SDK1: variants seen among roughly 807,000 people sequenced by gnomAD.
SDK1 encodes sidekick cell adhesion molecule 1.
Under a neutral mutation model 245.5 loss-of-function variants are expected in SDK1, and 157 were observed. The observed-to-expected ratio is 0.64, with a 90% CI of 0.56 to 0.73. SDK1 has a LOEUF of 0.73. Among genes scored for constraint, SDK1 ranks in the 30% least tolerant of loss-of-function variants. SDK1 has a pLI of 0.00. For synonymous variants in SDK1, 1,647 were observed against 1,278.5 expected, an observed-to-expected ratio of 1.29 and a Z score of -6.15; for missense variants, 3,583 against 3,002.3, an observed-to-expected ratio of 1.19 and a Z score of -4.52.
intron 1 of SDK1, among the ~76,000 whole-genome samples, chr7:3,307,200 A>G (rs976159176): frequency 6.6e-6 from 1 of 152,152 alleles, no homozygotes; most frequent in African/African-American, 2.4e-5. Context: ...TCTGTAAGGC[A>G]TTATCTTAAA....
intron 1 of SDK1, among the ~76,000 whole-genome samples, chr7:3,578,430 CGTATT>C (rs1780372402): frequency 6.6e-6 from 1 of 151,996 alleles, no homozygotes; most frequent in Admixed American, 6.6e-5. Context: ...CAGCTGTGCA[CGTATT>C]GTCTTAACAA....
At chr7:3,842,454 C>T (rs1287362176) in intron 5 of SDK1, among the ~76,000 whole-genome samples, 2 of 152,022 alleles carry the variant, frequency 1.3e-5, no homozygotes, top group Non-Finnish European at 2.9e-5. Flanking sequence ...GGCGTGGGTA[C>T]TGGGTCACTG....
chr7:3,772,090 T>C (rs1301984348), intron 4 of SDK1, among the ~76,000 whole-genome samples: 2 of 152,202 alleles, frequency 1.3e-5, no homozygotes, highest in Non-Finnish European at 2.9e-5. Flanking sequence ...TGTCAGACTT[T>C]CCTTCCTTTT....
intron 35 of SDK1, among the ~76,000 whole-genome samples, chr7:4,202,083 T>A (rs1031947022): frequency 2.4e-4 from 36 of 152,192 alleles, no homozygotes; most frequent in African/African-American, 6.8e-4. Flanking sequence ...CAGCCAGATG[T>A]TCTACTTTCC....
chr7:4,154,507 G>A (rs919927846), intron 30 of SDK1, among the ~76,000 whole-genome samples: 7 of 152,136 alleles, frequency 4.6e-5, no homozygotes, highest in Non-Finnish European at 8.8e-5. Context: ...TCACCAGGCA[G>A]CATCAGTGGC....
At chr7:3,485,915 A>G (rs146492357) in intron 1 of SDK1, among the ~76,000 whole-genome samples, 19 of 151,582 alleles carry the variant, frequency 1.3e-4, no homozygotes, top group Admixed American at 9.9e-4. Context: ...GGTTTTATCT[A>G]TTTTTTGAAG....
intron 5 of SDK1, among the ~76,000 whole-genome samples, chr7:3,881,871 T>A (rs1781216768): frequency 6.6e-6 from 1 of 152,208 alleles, no homozygotes; most frequent in African/African-American, 2.4e-5. Flanking sequence ...CATTGAGGGA[T>A]GGGCTACGGA....
At chr7:3,657,260 A>G (rs1176162375) in intron 4 of SDK1, among the ~76,000 whole-genome samples, 1 of 152,174 alleles carries the variant, frequency 6.6e-6, no homozygotes, top group African/African-American at 2.4e-5. Context: ...GTACAAAGAC[A>G]GGGCAAAACA....
At chr7:3,464,229 A>G (rs890966211) in intron 1 of SDK1, among the ~76,000 whole-genome samples, 4 of 152,144 alleles carry the variant, frequency 2.6e-5, no homozygotes, top group Non-Finnish European at 4.4e-5. Context: ...CCCTCTGTTG[A>G]AATAAGGTAT....
intron 1 of SDK1, among the ~76,000 whole-genome samples, chr7:3,361,949 G>A (rs1780964234): frequency 6.6e-6 from 1 of 152,158 alleles, no homozygotes; most frequent in Non-Finnish European, 1.5e-5. Flanking sequence ...TTCAGTGGCA[G>A]TCCTCATTTT....
chr7:4,193,037 TAA>T lies in SDK1; in HGVS notation c.5099-12841_5099-12840del, dbSNP rs1303224554. 2.1e-5 allele frequency among the ~76,000 whole-genome samples: 3 copies of T among 141,802 alleles called. 1 individual carries two copies. Among genetic ancestry groups the T allele is most frequent in the South Asian group, 4.2e-4 (2 of 4,720 alleles). The allele number at this position is 141,802 out of a possible 152,430, so 93.0% of individuals were successfully genotyped here. A position where few individuals can be genotyped will look rare whatever the true frequency, so the allele number is the denominator to read the frequency against. On this transcript the variant is annotated intron_variant, in intron 35 of 44. Coordinates refer to ENST00000404826, the MANE Select transcript of SDK1 (RefSeq NM_152744.4). Reference sequence around the variant, plus strand: ...ATAAAAATATATAATATAGATTATATAAGATACAAAAATATATAATATATATT... The same window carrying T: ...ATAAAAATATATAATATAGATTATATGATACAAAAATATATAATATATATT...
intron 4 of SDK1, among the ~76,000 whole-genome samples, chr7:3,716,676 T>C (rs1202289951): frequency 1.3e-5 from 2 of 151,626 alleles, no homozygotes; most frequent in Admixed American, 1.3e-4. Context: ...GGAGAACTGC[T>C]TGAGCCCAGG....
intron 4 of SDK1, among the ~76,000 whole-genome samples, chr7:3,732,862 A>T (rs1583353157): frequency 6.6e-6 from 1 of 152,162 alleles, no homozygotes; most frequent in Non-Finnish European, 1.5e-5. Flanking sequence ...TTTCTGTGTT[A>T]TTCTCCCTTT....
At chr7:3,604,918 T>C (rs1002234248) in intron 1 of SDK1, among the ~76,000 whole-genome samples, 1 of 152,156 alleles carries the variant, frequency 6.6e-6, no homozygotes, top group Non-Finnish European at 1.5e-5. Flanking sequence ...ATTTTTTCTC[T>C]GACTTGTTTA....
chr7:3,625,993 G>C (rs577113022), intron 2 of SDK1, among the ~76,000 whole-genome samples: 7 of 147,998 alleles, frequency 4.7e-5, no homozygotes, highest in Non-Finnish European at 7.4e-5. Context: ...ACCCAGGCTG[G>C]ACTGTAGTAG....
In SDK1 at chr7:4,026,642, T is replaced by G. The variant is rs1787368785; in HGVS notation, c.2602+9290T>G. ...CTTTTTAAGTGTTAAAGTATTTTCT[T>G]CTGAAGGCCATCAGAAAAGAAACTT... On this transcript the variant is annotated intron_variant, in intron 17 of 44. Coordinates refer to ENST00000404826, the MANE Select transcript of SDK1 (RefSeq NM_152744.4). The surrounding 1 kb of genome is among the most constrained non-coding windows in gnomAD (Gnocchi z 4.1). Among the ~76,000 whole-genome samples the G allele has an allele frequency of 6.6e-6, 1 of 152,214 alleles. No individual in the cohort carries two copies. Among genetic ancestry groups the G allele is most frequent in the Non-Finnish European group, 1.5e-5 (1 of 68,038 alleles).
chr7:3,359,654 T>A (rs1049729596), intron 1 of SDK1, among the ~76,000 whole-genome samples: 1 of 152,120 alleles, frequency 6.6e-6, no homozygotes, highest in Non-Finnish European at 1.5e-5. Flanking sequence ...GACATTCCAC[T>A]CCAGGAGATG....
At chr7:3,711,867 G>A (rs1785060981) in intron 4 of SDK1, among the ~76,000 whole-genome samples, 3 of 152,174 alleles carry the variant, frequency 2.0e-5, no homozygotes, top group South Asian at 2.1e-4. Context: ...CCAGGGAGGA[G>A]CCCTGCCATG....
intron 18 of SDK1, 117 bp downstream of exon 18, chr7:4,049,580 C>T (rs1004213598): frequency 8.2e-6 from 6 of 735,140 alleles, no homozygotes; most frequent in Non-Finnish European, 1.2e-5. Context: ...AGATACAGGG[C>T]GTCTTGACCT....
Sources: allele counts gnomAD v4.1 joint callset (sites outside exome capture counted in the v4.1 genomes callset), GRCh38; gene constraint gnomAD v4.1.1; non-coding constraint Gnocchi (gnomAD v3.1); transcripts MANE v1.5; gene names NCBI Gene and HGNC (gene_info 2026-07-23, HGNC 2026-07-21).